The following BICC1 variants were observed in gnomAD, a reference collection of about 807,000 sequenced individuals.
BICC1 encodes the protein BicC family RNA binding protein 1, also known as protein bicaudal C homolog 1.
Under a neutral mutation model 111.0 loss-of-function variants are expected in BICC1, and 43 were observed. The observed-to-expected ratio is 0.39, with a 90% CI of 0.30 to 0.50. The LOEUF is 0.50. Ranked by LOEUF, BICC1 falls within the 20% of genes least tolerant of loss-of-function variation. BICC1 has a pLI of 0.88. For missense variants in BICC1, 1,091 were observed against 1,203.2 expected, an observed-to-expected ratio of 0.91 and a Z score of 1.38; for synonymous variants, 467 against 434.4, an observed-to-expected ratio of 1.07 and a Z score of -0.93.
rs1343148911 is a variant in BICC1 at position 58,601,170 on chromosome 10, ATC to A, written c.191-19682_191-19681del. ...TATATATATATATATATATATATAT[ATC>A]TCCCAATAAAATTTGGAAAATAAAA... On this transcript the variant is annotated intron_variant, in intron 1 of 20. Transcript: ENST00000373886. 4.4e-3 allele frequency among the ~76,000 whole-genome samples: 594 copies of A among 136,400 alleles called. 11 individuals are homozygous for A. Among genetic ancestry groups the A allele is most frequent in the East Asian group, 0.022 (109 of 4,874 alleles). 89.5% of individuals were successfully genotyped at this position (136,400 alleles called of 152,430 possible). A position where few individuals can be genotyped will look rare whatever the true frequency, so the allele number is the denominator to read the frequency against.
chr10:58,737,345 G>C (rs868508532), intron 3 of BICC1, among the ~76,000 whole-genome samples: 1 of 152,098 alleles, frequency 6.6e-6, no homozygotes, highest in African/African-American at 2.4e-5. Flanking sequence ...GAGAACATGC[G>C]GTGTTTGGTT....
intron 1 of BICC1, among the ~76,000 whole-genome samples, chr10:58,591,622 A>G (rs1394870441): frequency 6.6e-6 from 1 of 152,186 alleles, no homozygotes; most frequent in Non-Finnish European, 1.5e-5. Flanking sequence ...CAACATATGA[A>G]TTTTGGGAGA....
At position 58,625,811 on chromosome 10, in the gene BICC1, G is replaced by C. The variant is rs147265404; in HGVS notation, c.237+4910G>C. Among the ~76,000 whole-genome samples, 676 of 152,264 alleles carry C rather than the reference G, an allele frequency of 4.4e-3. 7 individuals are homozygous for C. The highest frequency in any genetic ancestry group is 0.015 in the African/African-American group (637 of 41,550). ...TGGGTGCATTAGATGGTCTTAGATG[G>C]GGACTAGGTGAGTCCTTTTATTGAG... On this transcript the variant is annotated intron_variant, in intron 2 of 20. Transcript: ENST00000373886.
intron 3 of BICC1, among the ~76,000 whole-genome samples, chr10:58,741,614 A>G (rs1841668277): frequency 1.3e-5 from 2 of 152,198 alleles, no homozygotes; most frequent in African/African-American, 4.8e-5. Flanking sequence ...ATTTTAAAAA[A>G]TTTCTTATAA....
chr10:58,824,200 C>T (rs1344177659), intron 20 of BICC1: 1 of 604,758 alleles, frequency 1.7e-6, no homozygotes, highest in African/African-American at 2.0e-5. Context: ...TTGACCTTTC[C>T]ATCAAGCATG....
intron 3 of BICC1, chr10:58,715,482 T>C (rs1272483769): frequency 1.5e-5 from 13 of 852,414 alleles, no homozygotes; most frequent in Non-Finnish European, 2.6e-5. Context: ...AGAGGACCTG[T>C]GGCAGGCCCT....
At chr10:58,790,267 GT>G (rs910247204) in intron 8 of BICC1, among the ~76,000 whole-genome samples, 3 of 133,218 alleles carry the variant, frequency 2.3e-5, no homozygotes, top group African/African-American at 8.0e-5. Context: ...TTAGTGTGCA[GT>G]TTGTATTTGG....
At chr10:58,637,455 C>T (rs76613621) in intron 2 of BICC1, among the ~76,000 whole-genome samples, 1,607 of 152,280 alleles carry the variant, frequency 0.011, 32 homozygotes, top group African/African-American at 0.037. Context: ...CTTCTTGTTT[C>T]AGGAGCTGCC....
At chr10:58,643,927 C>A (rs192003082) in intron 2 of BICC1, among the ~76,000 whole-genome samples, 22 of 152,280 alleles carry the variant, frequency 1.4e-4, no homozygotes, top group Admixed American at 1.2e-3. Context: ...ACAGCACCTA[C>A]CCTGCTGAAA....
At chr10:58,711,126 G>A (rs997673490) in intron 3 of BICC1, among the ~76,000 whole-genome samples, 1 of 152,114 alleles carries the variant, frequency 6.6e-6, no homozygotes, top group East Asian at 1.9e-4. Context: ...AGGATTACAG[G>A]CATGAGCCTC....
chr10:58,651,682 A>G (rs1278624267), intron 2 of BICC1, among the ~76,000 whole-genome samples: 1 of 152,144 alleles, frequency 6.6e-6, no homozygotes, highest in African/African-American at 2.4e-5. Flanking sequence ...CCTCTTGGTG[A>G]AATACATACA....
chr10:58,765,879 CA>C (rs1216203604), intron 3 of BICC1, among the ~76,000 whole-genome samples: 1 of 152,160 alleles, frequency 6.6e-6, no homozygotes, highest in Non-Finnish European at 1.5e-5. Context: ...ATTTAATCAA[CA>C]AAAGCAGGTG....
At chr10:58,720,739 C>T (rs1346500357) in intron 3 of BICC1, among the ~76,000 whole-genome samples, 1 of 152,128 alleles carries the variant, frequency 6.6e-6, no homozygotes, top group Non-Finnish European at 1.5e-5. Context: ...CAGTGAAAAT[C>T]CCGGGGTTCG....
intron 1 of BICC1, among the ~76,000 whole-genome samples, chr10:58,543,872 A>G (rs1419409784): frequency 6.7e-6 from 1 of 149,924 alleles, no homozygotes; most frequent in South Asian, 2.1e-4. Flanking sequence ...CTGCATTCTG[A>G]TATTTTACCT....
At chr10:58,823,850 T>G (rs185532178) in intron 20 of BICC1, 1 of 985,122 alleles carries the variant, frequency 1.0e-6, no homozygotes, top group Non-Finnish European at 1.2e-6. Flanking sequence ...CCTTTAAATA[T>G]ATTCAATTCT....
chr10:58,633,290 C>G (rs372844880), intron 2 of BICC1, among the ~76,000 whole-genome samples: 1 of 152,144 alleles, frequency 6.6e-6, no homozygotes, highest in Non-Finnish European at 1.5e-5. Flanking sequence ...ATAAATTACC[C>G]GGTCTTGGGT....
chr10:58,623,351 G>A (rs963637945), intron 2 of BICC1, among the ~76,000 whole-genome samples: 3 of 152,162 alleles, frequency 2.0e-5, no homozygotes, highest in African/African-American at 7.2e-5. Flanking sequence ...ATTTGAGGCT[G>A]TAATAGTAGT....
At chr10:58,631,288 A>G (rs1163010230) in intron 2 of BICC1, among the ~76,000 whole-genome samples, 3 of 152,186 alleles carry the variant, frequency 2.0e-5, no homozygotes, top group Non-Finnish European at 4.4e-5. Context: ...TCTAAGTAAC[A>G]TGATCCTTGA....
intron 1 of BICC1, among the ~76,000 whole-genome samples, chr10:58,534,588 C>A: frequency 6.6e-6 from 1 of 151,248 alleles, no homozygotes. Context: ...AATAAAAACC[C>A]CAGTTAAATG....
Sources: gnomAD v4.1 joint callset for allele counts (sites outside exome capture counted in the v4.1 genomes callset) on GRCh38, gnomAD v4.1.1 for gene constraint, MANE v1.5 for transcripts, NCBI Gene and HGNC (gene_info 2026-07-23, HGNC 2026-07-21) for gene names.